The following SGCD variants were observed in gnomAD, a reference collection of about 807,000 sequenced individuals.
The protein encoded by SGCD is delta-sarcoglycan.
SGCD carries 18 observed loss-of-function variants against 36.6 expected under a neutral mutation model. That is an observed-to-expected ratio of 0.49 (90% CI 0.34 to 0.73). The LOEUF is 0.73. Among genes scored for constraint, SGCD ranks in the 30% least tolerant of loss-of-function variants. The pLI, the probability that SGCD is intolerant of heterozygous loss-of-function variation, is 0.01. For missense variants in SGCD, 387 were observed against 346.7 expected, an observed-to-expected ratio of 1.12 and a Z score of -0.92; for synonymous variants, 133 against 130.6, an observed-to-expected ratio of 1.02 and a Z score of -0.12.
chr5:155,942,737 G>A (rs1207047486), intron 1 of SGCD, among the ~76,000 whole-genome samples: 1 of 152,126 alleles, frequency 6.6e-6, no homozygotes, highest in African/African-American at 2.4e-5. Context: ...TGTACAATAT[G>A]CAGGATACCT....
chr5:155,842,697 CAAAAT>C, the SGCD span, among the ~76,000 whole-genome samples: 2 of 152,082 alleles, frequency 1.3e-5, no homozygotes, highest in Non-Finnish European at 2.9e-5. Context: ...TGAAAACTAA[CAAAAT>C]AGAATTTTAA....
chr5:156,538,010 G>C (rs1157532441), intron 4 of SGCD, among the ~76,000 whole-genome samples: 1 of 151,944 alleles, frequency 6.6e-6, no homozygotes, highest in Non-Finnish European at 1.5e-5. Flanking sequence ...GGCCCGTTCT[G>C]GTGGTTCGGG....
chr5:156,382,682 T>C (rs1771050460), intron 3 of SGCD, among the ~76,000 whole-genome samples: 1 of 152,194 alleles, frequency 6.6e-6, no homozygotes. Context: ...GTAGAGGATA[T>C]ATCGGTGCTG....
intron 4 of SGCD, among the ~76,000 whole-genome samples, chr5:156,558,114 TA>T (rs1435618645): frequency 8.0e-5 from 11 of 137,274 alleles, no homozygotes; most frequent in Non-Finnish European, 1.4e-4. Context: ...TATATATATA[TA>T]TATATATATT....
intron 6 of SGCD, among the ~76,000 whole-genome samples, chr5:156,610,463 C>T (rs1297734493): frequency 2.0e-5 from 3 of 152,192 alleles, no homozygotes; most frequent in Non-Finnish European, 4.4e-5. Flanking sequence ...TTGGAGGGTG[C>T]CTCCCAGTTA....
intron 1 of SGCD, among the ~76,000 whole-genome samples, chr5:156,043,462 T>C (rs1396228395): frequency 6.6e-6 from 1 of 152,128 alleles, no homozygotes; most frequent in Non-Finnish European, 1.5e-5. Flanking sequence ...TTTGGCAAAA[T>C]TTCACCTCTC....
intron 3 of SGCD, among the ~76,000 whole-genome samples, chr5:156,464,371 C>T (rs1355732712): frequency 2.0e-5 from 3 of 151,892 alleles, no homozygotes; most frequent in Admixed American, 2.0e-4. Flanking sequence ...CAGGCATGTA[C>T]CACCATACCT....
chr5:155,842,738 T>G, the SGCD span, among the ~76,000 whole-genome samples: 1 of 152,232 alleles, frequency 6.6e-6, no homozygotes, highest in Non-Finnish European at 1.5e-5. Flanking sequence ...TCACAAAAAG[T>G]TCTCCATGTA....
intron 3 of SGCD, among the ~76,000 whole-genome samples, chr5:156,478,752 T>G (rs769313340): frequency 7.2e-5 from 11 of 152,082 alleles, no homozygotes; most frequent in Non-Finnish European, 1.5e-4. Flanking sequence ...AGCTAATTTT[T>G]GTATTTTTAG....
chr5:155,922,696 A>G (rs541606943), intron 1 of SGCD, among the ~76,000 whole-genome samples: 1 of 152,156 alleles, frequency 6.6e-6, no homozygotes, highest in South Asian at 2.1e-4. Context: ...CTTAGGTTAT[A>G]CTCAGCTCTG....
intron 3 of SGCD, among the ~76,000 whole-genome samples, chr5:156,180,148 G>A (rs2127626513): frequency 6.6e-6 from 1 of 152,276 alleles, no homozygotes; most frequent in Admixed American, 6.5e-5. Context: ...TATATTCTGA[G>A]CACAAAAGTA....
At chr5:156,358,103 T>C (rs984999418) in intron 3 of SGCD, among the ~76,000 whole-genome samples, 1 of 152,218 alleles carries the variant, frequency 6.6e-6, no homozygotes, top group Admixed American at 6.5e-5. Flanking sequence ...TAACCATGTT[T>C]TCTCTCTTTC....
At chr5:156,632,525 A>T (rs1762675712) in intron 6 of SGCD, among the ~76,000 whole-genome samples, 1 of 152,108 alleles carries the variant, frequency 6.6e-6, no homozygotes, top group South Asian at 2.1e-4. Context: ...TGGTTAAATG[A>T]AGCTTTATTT....
chr5:156,071,067 C>G (rs577874241), intron 1 of SGCD, among the ~76,000 whole-genome samples: 2 of 152,154 alleles, frequency 1.3e-5, no homozygotes, highest in South Asian at 2.1e-4. Flanking sequence ...TTTTGTTGAT[C>G]CTTCCAAAAA....
At chr5:156,369,608 T>A (rs1314957454) in intron 3 of SGCD, among the ~76,000 whole-genome samples, 1 of 152,230 alleles carries the variant, frequency 6.6e-6, no homozygotes, top group Non-Finnish European at 1.5e-5. Context: ...AATCCAAGTC[T>A]ATTCCACTCA....
In SGCD at chr5:156,757,598, G is replaced by A. The variant is rs750459196; in HGVS notation, c.593G>A (p.Arg198Gln). The A allele has an allele frequency of 1.9e-5, 30 of 1,609,244 alleles. No individual in the cohort carries two copies. The highest frequency in any genetic ancestry group is 5.3e-5 in the African/African-American group (4 of 74,780). The part of the protein sequence containing the change: ...FKELRLESPT[R>Q]SLVMEAPKGV... ...TTTTTCAGGTTGGAGTCCCCAACCC[G>A]GTCTCTAGTGATGGAGGCCCCAAAA... Residue 198 changes from arginine to glutamine, a missense_variant, in exon 8 of 9, where the codon CGG (arginine) becomes CAG (glutamine). Physicochemically the swap from Arg to Gln is conservative, Grantham distance 43. Coordinates refer to ENST00000337851, the MANE Select transcript of SGCD (RefSeq NM_000337.6).
At chr5:156,071,745 A>G (rs561096553) in intron 1 of SGCD, among the ~76,000 whole-genome samples, 2 of 152,150 alleles carry the variant, frequency 1.3e-5, no homozygotes, top group Non-Finnish European at 2.9e-5. Flanking sequence ...AAAGTCTCCC[A>G]TTATTATTGT....
At chr5:156,372,926 C>CCTAGACATGTGTTTGCCTTTGTGTT (rs1554097497) in intron 3 of SGCD, among the ~76,000 whole-genome samples, 3,852 of 152,076 alleles carry the variant, frequency 0.025, 161 homozygotes, top group African/African-American at 0.088. Flanking sequence ...CAATCATGTA[C>CCTAGACATGTGTTTGCCTTTGTGTT]TCCTTTGCCT....
At chr5:156,555,540 A>C (rs1758986546) in intron 4 of SGCD, among the ~76,000 whole-genome samples, 2 of 152,230 alleles carry the variant, frequency 1.3e-5, no homozygotes, top group South Asian at 4.1e-4. Context: ...AGCTGTATCA[A>C]CTTATTGCTG....
Sources: gnomAD v4.1 joint callset for allele counts (sites outside exome capture counted in the v4.1 genomes callset) on GRCh38, gnomAD v4.1.1 for gene constraint, MANE v1.5 for transcripts, NCBI Gene and HGNC (gene_info 2026-07-23, HGNC 2026-07-21) for gene names.